Variants in RNASEH2B observed in about 807,000 individuals in gnomAD.
RNASEH2B encodes Aicardi-Goutieres syndrome 2 protein.
Under a neutral mutation model 45.0 loss-of-function variants are expected in RNASEH2B, and 36 were observed. The ratio of observed to expected loss-of-function variants is 0.80; its 90% confidence interval spans 0.61 to 1.06. The LOEUF (loss-of-function observed/expected upper bound fraction) is 1.06. Among genes scored for constraint, RNASEH2B ranks in the 50% least tolerant of loss-of-function variants. RNASEH2B has a pLI of 0.00. For missense variants in RNASEH2B, 361 were observed against 360.3 expected (o/e 1.00, Z -0.02); for synonymous variants, 119 against 125.7 (o/e 0.95, Z 0.35).
intron 10 of RNASEH2B, chr13:50,955,353 C>T (rs1247246834): frequency 6.6e-6 from 1 of 152,166 alleles, no homozygotes; most frequent in Admixed American, 6.5e-5. Flanking sequence ...AGCGAGTTAT[C>T]TCGATGCTGT....
chr13:50,943,103 A>T, intron 5 of RNASEH2B: 1 of 459,148 alleles, frequency 2.2e-6, no homozygotes, highest in Non-Finnish European at 3.9e-6. Flanking sequence ...AGGTTTTCTT[A>T]AATTCTTACT....
intron 3 of RNASEH2B, among the ~76,000 whole-genome samples, 186 bp downstream of exon 3, chr13:50,929,768 C>T (rs374360135): frequency 1.1e-4 from 16 of 152,268 alleles, no homozygotes; most frequent in African/African-American, 3.9e-4. Context: ...GTTAAGTCAT[C>T]TCCTGTGTGT....
exon 10 of RNASEH2B, chr13:50,970,175 G>C: frequency 1.6e-6 from 1 of 625,860 alleles, no homozygotes; most frequent in Non-Finnish European, 2.8e-6. Flanking sequence ...TCAGCTAGGC[G>C]GTTCCGTCCA....
intron 10 of RNASEH2B, 110 bp from the exon 11 acceptor site, chr13:50,956,247 GA>G (rs1952046537): frequency 1.2e-6 from 1 of 855,944 alleles, no homozygotes; most frequent in South Asian, 1.5e-5. Context: ...GTTAGTGGGG[GA>G]TGCTTACCTT....
chr13:50,919,023 A>G (rs144464209), intron 1 of RNASEH2B, among the ~76,000 whole-genome samples: 26 of 152,298 alleles, frequency 1.7e-4, no homozygotes, highest in African/African-American at 6.3e-4. Flanking sequence ...CAGTGGGTGT[A>G]TGTTTCTCAG....
chr13:50,928,460 G>C (rs1593456862), intron 2 of RNASEH2B: 2 of 152,174 alleles, frequency 1.3e-5, no homozygotes, highest in Admixed American at 1.3e-4. Context: ...TTCTTCAAGA[G>C]AAGTTTTAGG....
intron 5 of RNASEH2B, among the ~76,000 whole-genome samples, chr13:50,939,512 C>G (rs967207595): frequency 3.3e-5 from 5 of 151,792 alleles, no homozygotes; most frequent in Non-Finnish European, 2.9e-5. Flanking sequence ...AGAGTGAGAC[C>G]CTGTCCCTAA....
intron 5 of RNASEH2B, among the ~76,000 whole-genome samples, chr13:50,940,493 C>CT (rs1442334352): frequency 6.6e-6 from 1 of 152,222 alleles, no homozygotes; most frequent in Non-Finnish European, 1.5e-5. Flanking sequence ...TTACTTGCCC[C>CT]TTTCCCCCAA....
At chr13:50,958,073 T>G (rs548595806), downstream of RNASEH2B, among the ~76,000 whole-genome samples, 2 of 152,226 alleles carry the variant, frequency 1.3e-5, no homozygotes, top group African/African-American at 4.8e-5. Context: ...TATTTTGCTG[T>G]GCAGAAGCTC....
downstream of RNASEH2B, among the ~76,000 whole-genome samples, chr13:50,957,379 G>A (rs1048383573): frequency 6.6e-6 from 1 of 152,016 alleles, no homozygotes; most frequent in Non-Finnish European, 1.5e-5. Context: ...GCATTAATTC[G>A]CTCAGGATAA....
chr13:50,931,712 ATTC>A (rs1951683423), intron 4 of RNASEH2B, among the ~76,000 whole-genome samples: 1 of 152,168 alleles, frequency 6.6e-6, no homozygotes, highest in African/African-American at 2.4e-5. Context: ...TATTGTGGAT[ATTC>A]TTCTTTAATA....
chr13:50,935,709 G>C (rs1951742043), intron 5 of RNASEH2B: 2 of 153,266 alleles, frequency 1.3e-5, no homozygotes, highest in Admixed American at 1.3e-4. Context: ...AAGTTCCAAG[G>C]AGTTCAAAGT....
intron 1 of RNASEH2B, among the ~76,000 whole-genome samples, chr13:50,920,544 A>G (rs935848397): frequency 3.9e-5 from 6 of 152,244 alleles, no homozygotes; most frequent in African/African-American, 1.2e-4. Flanking sequence ...GGCCAGCAAG[A>G]CTGATAGCTG....
chr13:50,959,269 A>G (rs1325064644), downstream of RNASEH2B, among the ~76,000 whole-genome samples: 1 of 152,072 alleles, frequency 6.6e-6, no homozygotes, highest in Non-Finnish European at 1.5e-5. Context: ...TTCTTGGTTT[A>G]TACTTTGCCT....
downstream of RNASEH2B, among the ~76,000 whole-genome samples, chr13:50,957,822 C>T (rs1952070620): frequency 6.6e-6 from 1 of 152,124 alleles, no homozygotes; most frequent in South Asian, 2.1e-4. Context: ...GATGGTATCT[C>T]ATTGTGGTTT....
chr13:50,929,398 G>A, intron 2 of RNASEH2B, 77 bp from the exon 3 acceptor site: 1 of 870,940 alleles, frequency 1.1e-6, no homozygotes, highest in Non-Finnish European at 1.9e-6. Flanking sequence ...AGAGATACTG[G>A]ATAGTCTTTT....
Position 50,956,511 on chromosome 13 carries a change from T to C in RNASEH2B, c.*37T>C. On this transcript the variant is annotated 3_prime_UTR_variant, in exon 11 of 11. Coordinates refer to ENST00000336617, the MANE Select transcript of RNASEH2B (RefSeq NM_024570.4). ...TAAAATCTAGCAAAAATATTTGCTT[T>C]TTACATGTTTCAGTTTGTCCTTCCT... The C allele has an allele frequency of 6.4e-7, 1 of 1,573,914 alleles. No homozygotes were observed. Among genetic ancestry groups the C allele is most frequent in the South Asian group, 1.1e-5 (1 of 87,260 alleles).
chr13:50,947,096 A>C (rs757733986), intron 7 of RNASEH2B, among the ~76,000 whole-genome samples: 32 of 152,186 alleles, frequency 2.1e-4, no homozygotes, highest in Non-Finnish European at 4.1e-4. Context: ...GAATGGAAAA[A>C]AGGAAGTGAG....
chr13:50,967,779 A>G (rs1952180125), intron 9 of RNASEH2B, among the ~76,000 whole-genome samples: 3 of 152,206 alleles, frequency 2.0e-5, no homozygotes, highest in Admixed American at 2.0e-4. Flanking sequence ...GCCTTGTATT[A>G]CATATTTTCT....
Sources: gnomAD v4.1 joint callset for allele counts (sites outside exome capture counted in the v4.1 genomes callset) on GRCh38, gnomAD v4.1.1 for gene constraint, MANE v1.5 for transcripts, NCBI Gene and HGNC (gene_info 2026-07-23, HGNC 2026-07-21) for gene names.